TASP1: variants seen among roughly 807,000 people sequenced by gnomAD.
TASP1 encodes threonine aspartase 1.
In TASP1, 16 loss-of-function variants were observed where a neutral mutation model predicts 56.6. The observed-to-expected ratio is 0.28, with a 90% CI of 0.19 to 0.43. The LOEUF (loss-of-function observed/expected upper bound fraction) is 0.43. Ranked by LOEUF, TASP1 falls within the 20% of genes least tolerant of loss-of-function variation. TASP1 has a pLI of 1.00. For synonymous variants in TASP1, 179 were observed against 184.2 expected (o/e 0.97, Z 0.23); for missense variants, 393 against 511.6 (o/e 0.77, Z 2.24).
At chr20:13,486,033 C>T (rs2043308746) in intron 10 of TASP1, among the ~76,000 whole-genome samples, 2 of 152,076 alleles carry the variant, frequency 1.3e-5, no homozygotes, top group Admixed American at 1.3e-4. Flanking sequence ...TACCAAGAAA[C>T]TTTTAAAATT....
At chr20:13,397,002 C>A (rs2041566633) in intron 13 of TASP1, among the ~76,000 whole-genome samples, 1 of 152,210 alleles carries the variant, frequency 6.6e-6, no homozygotes, top group African/African-American at 2.4e-5. Context: ...ACCAGGCTCA[C>A]TGACACCACA....
the TASP1 span, chr20:13,221,787 T>A: frequency 1.4e-6 from 2 of 1,450,916 alleles, no homozygotes; most frequent in Non-Finnish European, 1.8e-6. Flanking sequence ...ATGGTGCGCC[T>A]GGCGGCCGAG....
the TASP1 span, among the ~76,000 whole-genome samples, chr20:13,248,075 G>A: frequency 6.6e-6 from 1 of 152,178 alleles, no homozygotes; most frequent in African/African-American, 2.4e-5. Context: ...GTGGGTGATG[G>A]CAGCGTCCAA....
At chr20:13,248,948 G>A in the TASP1 span, among the ~76,000 whole-genome samples, 1 of 152,306 alleles carries the variant, frequency 6.6e-6, no homozygotes, top group Admixed American at 6.5e-5. Flanking sequence ...AGAAAGTGCT[G>A]TAACTTCTTA....
the TASP1 span, among the ~76,000 whole-genome samples, chr20:13,249,796 T>A: frequency 9.0e-6 from 1 of 111,456 alleles, no homozygotes; most frequent in African/African-American, 3.9e-5. Context: ...TTTTGTTTTG[T>A]TTTGTTTTGT....
At chr20:13,631,599 C>T (rs2049088709) in intron 1 of TASP1, among the ~76,000 whole-genome samples, 2 of 152,078 alleles carry the variant, frequency 1.3e-5, no homozygotes, top group Admixed American at 1.3e-4. Flanking sequence ...AGCTTGGGAC[C>T]ATTAGTCTAG....
At chr20:13,430,596 T>C (rs1424302152) in intron 12 of TASP1, among the ~76,000 whole-genome samples, 1 of 152,230 alleles carries the variant, frequency 6.6e-6, no homozygotes, top group Non-Finnish European at 1.5e-5. Context: ...GAAGCCACAA[T>C]GCCTTTTTGA....
chr20:13,219,249 A>G, the TASP1 span, among the ~76,000 whole-genome samples: 1 of 152,176 alleles, frequency 6.6e-6, no homozygotes, highest in African/African-American at 2.4e-5. Flanking sequence ...AACAATCCTT[A>G]AAACTCTTTG....
chr20:13,153,902 C>A, the TASP1 span: 1 of 1,473,800 alleles, frequency 6.8e-7, no homozygotes, highest in South Asian at 1.3e-5. Context: ...GCTAGTGCTG[C>A]TGGCCTGCAG....
intron 4 of TASP1, among the ~76,000 whole-genome samples, chr20:13,608,019 C>T (rs771081600): frequency 2.6e-5 from 4 of 152,142 alleles, no homozygotes; most frequent in Non-Finnish European, 5.9e-5. Context: ...CATTGATAAG[C>T]AGATACCTTT....
the TASP1 span, among the ~76,000 whole-genome samples, chr20:13,145,065 G>A: frequency 4.6e-5 from 7 of 152,110 alleles, no homozygotes; most frequent in South Asian, 2.1e-4. Flanking sequence ...GTGAGCCACC[G>A]CACCTGGCCT....
At chr20:13,484,472 C>T (rs1307446142) in intron 10 of TASP1, among the ~76,000 whole-genome samples, 4 of 152,148 alleles carry the variant, frequency 2.6e-5, no homozygotes, top group African/African-American at 7.2e-5. Flanking sequence ...CAGTGGCTCA[C>T]GCCTGTAATC....
At chr20:13,406,677 T>C (rs1009601407) in intron 13 of TASP1, among the ~76,000 whole-genome samples, 2 of 149,862 alleles carry the variant, frequency 1.3e-5, no homozygotes, top group East Asian at 3.9e-4. Flanking sequence ...TCTTTTTTTT[T>C]TTTTTTTTTG....
chr20:13,484,635 G>A (rs2043256510), intron 10 of TASP1, among the ~76,000 whole-genome samples: 1 of 151,102 alleles, frequency 6.6e-6, no homozygotes, highest in Non-Finnish European at 1.5e-5. Flanking sequence ...ACTTGGGAGG[G>A]AGAGGCAAGA....
chr20:13,627,400 G>C (rs2048930395), intron 2 of TASP1, among the ~76,000 whole-genome samples: 1 of 152,074 alleles, frequency 6.6e-6, no homozygotes, highest in African/African-American at 2.4e-5. Flanking sequence ...TACTCTTCTT[G>C]CTGACCCCCA....
At chr20:13,388,398 A>T (rs1200849324), downstream of TASP1, among the ~76,000 whole-genome samples, 1 of 151,360 alleles carries the variant, frequency 6.6e-6, no homozygotes, top group East Asian at 1.9e-4. Flanking sequence ...ATATTCCTTA[A>T]AAAAAAAATG....
chr20:13,556,495 G>A (rs1295496572), intron 8 of TASP1, among the ~76,000 whole-genome samples: 1 of 152,014 alleles, frequency 6.6e-6, no homozygotes, highest in African/African-American at 2.4e-5. Context: ...CATTATTCTT[G>A]AATAAAATTC....
chr20:13,252,624 G>A, the TASP1 span, among the ~76,000 whole-genome samples: 7 of 152,138 alleles, frequency 4.6e-5, no homozygotes, highest in South Asian at 2.1e-4. Flanking sequence ...GTGTGGTGGC[G>A]TGCACCTGTA....
the TASP1 span, among the ~76,000 whole-genome samples, chr20:13,180,782 T>C: frequency 6.6e-6 from 1 of 152,006 alleles, no homozygotes; most frequent in African/African-American, 2.4e-5. Context: ...GAGTAACAAA[T>C]GTGTCAGGAG....
Sources: gnomAD v4.1 joint callset for allele counts (sites outside exome capture counted in the v4.1 genomes callset) on GRCh38, gnomAD v4.1.1 for gene constraint, MANE v1.5 for transcripts, NCBI Gene and HGNC (gene_info 2026-07-23, HGNC 2026-07-21) for gene names.